Variants in CAPZA2 observed in about 807,000 individuals in gnomAD.
CAPZA2 encodes the protein capping actin protein of muscle Z-line subunit alpha 2.
A neutral mutation model predicts 44.0 loss-of-function variants in CAPZA2; 13 were observed. The observed-to-expected ratio is 0.30, with a 90% CI of 0.19 to 0.47. CAPZA2 has a LOEUF of 0.47. Ranked by LOEUF, CAPZA2 falls within the 20% of genes least tolerant of loss-of-function variation. The pLI is 1.00. For missense variants in CAPZA2, 244 were observed against 338.6 expected (o/e 0.72, Z 2.19); for synonymous variants, 94 against 108.2 (o/e 0.87, Z 0.81).
chr7:116,865,055 A>G (rs1018090079), intron 1 of CAPZA2, among the ~76,000 whole-genome samples: 1 of 152,136 alleles, frequency 6.6e-6, no homozygotes, highest in African/African-American at 2.4e-5. Flanking sequence ...ACCATTTCAC[A>G]GATGAGTAGA....
intron 1 of CAPZA2, among the ~76,000 whole-genome samples, chr7:116,864,326 T>G (rs966332547): frequency 6.6e-6 from 1 of 152,194 alleles, no homozygotes; most frequent in Non-Finnish European, 1.5e-5. Context: ...TAAAAAAGTT[T>G]TTTAAAAATG....
intron 5 of CAPZA2, 85 bp from the exon 6 acceptor site, chr7:116,906,178 C>G: frequency 6.5e-7 from 1 of 1,537,482 alleles, no homozygotes; most frequent in East Asian, 2.3e-5. Flanking sequence ...AAGTACTGTA[C>G]AATTTGCAGT....
chr7:116,910,479 G>T (rs1562963666), intron 7 of CAPZA2, among the ~76,000 whole-genome samples, 168 bp downstream of exon 7: 1 of 152,048 alleles, frequency 6.6e-6, no homozygotes, highest in Admixed American at 6.6e-5. Context: ...AAATAACCTG[G>T]CAGTTTATTC....
rs896351118 is a variant in CAPZA2 at position 116,879,137 on chromosome 7, A to G, written c.40-8990A>G. 5.3e-5 allele frequency among the ~76,000 whole-genome samples: 8 copies of G among 151,134 alleles called. No homozygotes were observed. The East Asian group carries it at 1.4e-3, about 26-fold the overall frequency. On this transcript the variant is annotated intron_variant, in intron 1 of 9. Coordinates refer to ENST00000361183, the MANE Select transcript of CAPZA2 (RefSeq NM_006136.3). ...ATAACTCTGTCTCAAAAAAAAAAAA[A>G]AAAAAAAAAAAAGAAAAGAATACTG... is the stretch of plus-strand genomic sequence containing the variant.
chr7:116,891,469 T>TA (rs1796845389), intron 2 of CAPZA2, among the ~76,000 whole-genome samples: 1 of 152,232 alleles, frequency 6.6e-6, no homozygotes, highest in South Asian at 2.1e-4. Flanking sequence ...ATTTCAAAAT[T>TA]AAAATAGTAT....
chr7:116,898,705 T>C, intron 3 of CAPZA2, 67 bp from the exon 4 acceptor site: 1 of 1,052,854 alleles, frequency 9.5e-7, no homozygotes, highest in Non-Finnish European at 1.4e-6. Flanking sequence ...GGGTGAATTT[T>C]TTGACCATTG....
At chr7:116,884,889 C>A (rs1462682331) in intron 1 of CAPZA2, among the ~76,000 whole-genome samples, 1 of 152,162 alleles carries the variant, frequency 6.6e-6, no homozygotes, top group African/African-American at 2.4e-5. Flanking sequence ...AGTTCCTGTT[C>A]TGCATCCTCA....
intron 7 of CAPZA2, 55 bp from the exon 8 acceptor site, chr7:116,912,014 A>G (rs1438485807): frequency 3.1e-6 from 5 of 1,604,298 alleles, no homozygotes; most frequent in Admixed American, 3.4e-5. Context: ...TGTTGACGCA[A>G]TAAGGTTCTT....
Position 116,919,239 on chromosome 7 carries a change from G to A in CAPZA2, c.*1372G>A, listed in dbSNP as rs530272068. On this transcript the variant is annotated 3_prime_UTR_variant, in exon 10 of 10. Transcript: ENST00000361183. Reference sequence around the variant, plus strand: ...CACTGTTGGGCTTTGAAAGCATTGAGAATATAATATGAAATTATGACATTT... The same window carrying A: ...CACTGTTGGGCTTTGAAAGCATTGAAAATATAATATGAAATTATGACATTT... The A allele has an allele frequency of 6.6e-6, 1 of 152,316 alleles. No homozygotes were observed. Among genetic ancestry groups the A allele is most frequent in the African/African-American group, 2.4e-5 (1 of 41,344 alleles). The allele number at this position is 152,316 out of a possible 1,614,324, so 9.4% of individuals were successfully genotyped here.
chr7:116,900,876 G>C (rs1473271621), intron 4 of CAPZA2, among the ~76,000 whole-genome samples: 1 of 152,064 alleles, frequency 6.6e-6, no homozygotes, highest in Non-Finnish European at 1.5e-5. Flanking sequence ...TTCCAAAGCA[G>C]ACATACTTGA....
intron 8 of CAPZA2, among the ~76,000 whole-genome samples, chr7:116,912,637 C>T (rs905812014): frequency 1.3e-5 from 2 of 152,140 alleles, no homozygotes; most frequent in African/African-American, 4.8e-5. Flanking sequence ...CAACATTCAT[C>T]CTTTTTGGAG....
intron 1 of CAPZA2, among the ~76,000 whole-genome samples, chr7:116,886,366 T>A (rs1796761948): frequency 6.6e-6 from 1 of 152,224 alleles, no homozygotes; most frequent in African/African-American, 2.4e-5. Context: ...GAAGGCCTTG[T>A]CATACATGTG....
chr7:116,917,550 C>A (rs1471839574), intron 9 of CAPZA2, among the ~76,000 whole-genome samples, 177 bp from the exon 10 acceptor site: 1 of 152,238 alleles, frequency 6.6e-6, no homozygotes, highest in Admixed American at 6.5e-5. Flanking sequence ...AGCCACCGCG[C>A]CCGGCTCTTC....
intron 1 of CAPZA2, among the ~76,000 whole-genome samples, chr7:116,863,765 GA>G (rs1298187430): frequency 6.6e-6 from 1 of 151,980 alleles, no homozygotes; most frequent in Non-Finnish European, 1.5e-5. Flanking sequence ...GCCAGTGCAG[GA>G]AAATACAGGT....
Position 116,898,753 on chromosome 7 carries a change from G to T in CAPZA2, c.156-19G>T. 1 of 1,507,816 alleles carries T rather than the reference G, an allele frequency of 6.6e-7. No individual in the cohort carries two copies. The highest frequency in any genetic ancestry group is 9.0e-7 in the Non-Finnish European group (1 of 1,110,604). The allele number at this position is 1,507,816 out of a possible 1,614,324, so 93.4% of individuals were successfully genotyped here. A position where few individuals can be genotyped will look rare whatever the true frequency, so the allele number is the denominator to read the frequency against. On this transcript the variant is annotated intron_variant, in intron 3 of 9. Coordinates refer to ENST00000361183, the MANE Select transcript of CAPZA2 (RefSeq NM_006136.3). ...ATTAAATATATAATTTTAAGTAATTGCCATTTTCTTTTTTTTAGTGCATTT... is the reference window on the plus strand; with the variant it reads ...ATTAAATATATAATTTTAAGTAATTTCCATTTTCTTTTTTTTAGTGCATTT...
At chr7:116,910,131 C>G in intron 6 of CAPZA2, 102 bp from the exon 7 acceptor site, 1 of 732,230 alleles carries the variant, frequency 1.4e-6, no homozygotes, top group East Asian at 2.6e-5. Context: ...GTATTCATCC[C>G]CCACACTCTC....
rs542611988 is a variant in CAPZA2 at position 116,899,209 on chromosome 7, G to T, written c.219+374G>T. On this transcript the variant is annotated intron_variant, in intron 4 of 9. Transcript: ENST00000361183. ...TGTAGTTCTTCATGTGAGTAATTTA[G>T]CATTTAGTGATTATTAAATCTCTTC... Among the ~76,000 whole-genome samples, 6 of 151,970 alleles carry T rather than the reference G, an allele frequency of 3.9e-5. No individual in the cohort carries two copies. In the South Asian group the frequency reaches 1.0e-3, roughly 26 times the overall value.
chr7:116,893,143 T>G (rs560544848), intron 3 of CAPZA2, 98 bp downstream of exon 3: 98 of 723,520 alleles, frequency 1.4e-4, no homozygotes, highest in Non-Finnish European at 5.6e-5. Flanking sequence ...TTTTTTGTTT[T>G]GTTTTGAGAT....
chr7:116,896,143 C>T (rs1385063538), intron 3 of CAPZA2, among the ~76,000 whole-genome samples: 4 of 152,110 alleles, frequency 2.6e-5, no homozygotes, highest in African/African-American at 7.2e-5. Flanking sequence ...CTTTCCTCCA[C>T]CTTTGCCTTG....
Sources: allele counts gnomAD v4.1 joint callset (sites outside exome capture counted in the v4.1 genomes callset), GRCh38; gene constraint gnomAD v4.1.1; transcripts MANE v1.5; gene names NCBI Gene and HGNC (gene_info 2026-07-23, HGNC 2026-07-21).